RAB6A: variants seen among roughly 807,000 people sequenced by gnomAD.
RAB6A encodes the protein RAB6A, member RAS oncogene family.
A neutral mutation model predicts 32.3 loss-of-function variants in RAB6A; 8 were observed. The ratio of observed to expected loss-of-function variants is 0.25; its 90% CI spans 0.15 to 0.45. The LOEUF (loss-of-function observed/expected upper bound fraction) is 0.45, where lower values mean the gene tolerates loss of function less well. Ranked by LOEUF, RAB6A falls within the 20% of genes least tolerant of loss-of-function variation. The pLI is 1.00. For synonymous variants in RAB6A, 73 were observed against 82.1 expected, an observed-to-expected ratio of 0.89 and a Z score of 0.60; for missense variants, 104 against 249.4, an observed-to-expected ratio of 0.42 and a Z score of 3.93.
intron 6 of RAB6A, among the ~76,000 whole-genome samples, chr11:73,702,150 G>T (rs1394608219): frequency 6.6e-6 from 1 of 152,248 alleles, no homozygotes; most frequent in East Asian, 1.9e-4. Flanking sequence ...CAAAAAACTA[G>T]TAAGGATATA....
chr11:73,704,297 C>G, intron 6 of RAB6A: 3 of 312,858 alleles, frequency 9.6e-6, no homozygotes, highest in South Asian at 7.8e-5. Context: ...GTGGGAGAAT[C>G]ACTTGAGCCT....
intron 1 of RAB6A, among the ~76,000 whole-genome samples, chr11:73,736,825 A>AAC (rs1555066485): frequency 6.6e-5 from 7 of 105,442 alleles, no homozygotes; most frequent in Non-Finnish European, 1.2e-4. Context: ...AAAAAAAAAA[A>AAC]ACAATTAGCC....
chr11:73,731,724 A>ATTTTCTTTTTTT (rs1472358703), intron 1 of RAB6A, among the ~76,000 whole-genome samples: 1 of 9,660 alleles, frequency 1.0e-4, no homozygotes, highest in Non-Finnish European at 2.4e-4. Context: ...ATATATATAT[A>ATTTTCTTTTTTT]TATATATACA....
intron 5 of RAB6A, among the ~76,000 whole-genome samples, chr11:73,709,902 CACATATAT>C (rs1324449957): frequency 6.8e-6 from 1 of 146,350 alleles, no homozygotes; most frequent in African/African-American, 2.5e-5. Flanking sequence ...TATATACACA[CACATATAT>C]ACATATATAT....
At chr11:73,679,515 A>ATAT (rs200584614) in intron 7 of RAB6A, 139 bp downstream of exon 7, 126,202 of 1,068,582 alleles carry the variant, frequency 0.12, 8,700 homozygotes, top group South Asian at 0.27. Flanking sequence ...TTGCTATAGA[A>ATAT]AACAAATGAA....
At chr11:73,724,275 T>C (rs948300124) in intron 2 of RAB6A, among the ~76,000 whole-genome samples, 2 of 152,174 alleles carry the variant, frequency 1.3e-5, no homozygotes, top group Non-Finnish European at 2.9e-5. Context: ...TGAGAATATA[T>C]TAGTTCGAAC....
At chr11:73,685,712 C>T (rs1383113703) in intron 6 of RAB6A, among the ~76,000 whole-genome samples, 2 of 146,992 alleles carry the variant, frequency 1.4e-5, no homozygotes, top group Non-Finnish European at 3.0e-5. Context: ...AACCCCATCT[C>T]TATTAAAAAT....
chr11:73,697,363 C>T (rs529782479), intron 6 of RAB6A, among the ~76,000 whole-genome samples: 21 of 152,032 alleles, frequency 1.4e-4, no homozygotes, highest in African/African-American at 5.1e-4. Flanking sequence ...AACAGTCTCA[C>T]TCTGTCTCCC....
chr11:73,737,261 G>A (rs935056555), intron 1 of RAB6A, among the ~76,000 whole-genome samples: 3 of 152,216 alleles, frequency 2.0e-5, no homozygotes, highest in African/African-American at 4.8e-5. Context: ...GGCTGAGGAG[G>A]ATCGAGTGAA....
At chr11:73,733,994 T>C (rs1043177621) in intron 1 of RAB6A, among the ~76,000 whole-genome samples, 1 of 152,194 alleles carries the variant, frequency 6.6e-6, no homozygotes, top group Non-Finnish European at 1.5e-5. Context: ...ATATGTATCA[T>C]TCCCAATAAA....
intron 5 of RAB6A, among the ~76,000 whole-genome samples, chr11:73,711,179 G>T (rs1046143365): frequency 1.3e-5 from 2 of 152,126 alleles, no homozygotes; most frequent in African/African-American, 2.4e-5. Context: ...TATGAGGGCT[G>T]TATCCTCTAC....
intron 6 of RAB6A, among the ~76,000 whole-genome samples, chr11:73,707,029 A>G (rs1029798758): frequency 6.6e-6 from 1 of 151,358 alleles, no homozygotes; most frequent in Non-Finnish European, 1.5e-5. Context: ...GAGGCAGGAG[A>G]GCTGCTTGAA....
chr11:73,751,301 A>G (rs1190940798), intron 1 of RAB6A, among the ~76,000 whole-genome samples: 1 of 152,118 alleles, frequency 6.6e-6, no homozygotes, highest in Non-Finnish European at 1.5e-5. Flanking sequence ...AAACAAACCA[A>G]CTAACCAACC....
chr11:73,753,935 A>T (rs1224922867), intron 1 of RAB6A, among the ~76,000 whole-genome samples: 2 of 152,234 alleles, frequency 1.3e-5, no homozygotes, highest in African/African-American at 4.8e-5. Flanking sequence ...CTGACACTGT[A>T]GCAATTTTCA....
chr11:73,686,939 CATT>C (rs1175327219), intron 6 of RAB6A, among the ~76,000 whole-genome samples: 3 of 152,038 alleles, frequency 2.0e-5, no homozygotes, highest in East Asian at 3.9e-4. Flanking sequence ...TTCATGGCAG[CATT>C]ATTGACAATA....
intron 6 of RAB6A, among the ~76,000 whole-genome samples, chr11:73,704,450 C>T (rs1240240414): frequency 4.0e-5 from 6 of 151,258 alleles, no homozygotes; most frequent in Admixed American, 6.6e-5. Context: ...TTTGGGAGAC[C>T]GAGGCAGGCA....
intron 1 of RAB6A, among the ~76,000 whole-genome samples, chr11:73,751,473 C>T (rs986989764): frequency 2.0e-5 from 3 of 152,076 alleles, no homozygotes; most frequent in East Asian, 1.9e-4. Flanking sequence ...CCACAGAACC[C>T]CCATTGACTT....
At chr11:73,693,556 CTTTTTTTTT>C (rs891656563) in intron 6 of RAB6A, among the ~76,000 whole-genome samples, 1 of 119,034 alleles carries the variant, frequency 8.4e-6, no homozygotes, top group Non-Finnish European at 1.8e-5. Context: ...AAGACTCCAT[CTTTTTTTTT>C]TTTTTTTTTT....
At chr11:73,726,965 C>T (rs1048452828) in intron 2 of RAB6A, among the ~76,000 whole-genome samples, 3 of 151,882 alleles carry the variant, frequency 2.0e-5, no homozygotes, top group African/African-American at 7.3e-5. Flanking sequence ...ATTATGGAAA[C>T]GAAAAGTACA....
Sources: allele counts gnomAD v4.1 joint callset (sites outside exome capture counted in the v4.1 genomes callset), GRCh38; gene constraint gnomAD v4.1.1; transcripts MANE v1.5; gene names NCBI Gene and HGNC (gene_info 2026-07-23, HGNC 2026-07-21).